DYNAP: variants seen among roughly 807,000 people sequenced by gnomAD.
DYNAP encodes dynactin-associated protein.
In DYNAP, 7 loss-of-function variants were observed where a neutral mutation model predicts 8.5. That is an observed-to-expected ratio of 0.82 (90% CI 0.47 to 1.54). The LOEUF (loss-of-function observed/expected upper bound fraction) is 1.54. DYNAP is among the 40% of genes most tolerant of loss of function. The pLI, the probability that DYNAP is intolerant of heterozygous loss-of-function variation, is 0.01. For synonymous variants in DYNAP, 77 were observed against 77.9 expected (o/e 0.99, Z 0.06); for missense variants, 256 against 224.3 (o/e 1.14, Z -0.90).
intron 1 of DYNAP, 121 bp from the exon 2 acceptor site, chr18:54,594,818 G>T: frequency 1.8e-6 from 2 of 1,104,648 alleles, no homozygotes; most frequent in Non-Finnish European, 2.5e-6. Flanking sequence ...CAGGGGATAA[G>T]AAAACATTTA....
At position 54,598,352 on chromosome 18, in the gene DYNAP, A is replaced by G; in HGVS notation, c.*207A>G. The stretch of plus-strand genomic sequence containing the variant: ...GACAACTCAAATAATCACCACTTCG[A>G]CCATCTCTTTGACTGAATCAACAAC... On this transcript the variant is annotated 3_prime_UTR_variant, in exon 3 of 3. Coordinates refer to ENST00000648945, the MANE Select transcript of DYNAP (RefSeq NM_173629.3). The G allele has an allele frequency of 1.8e-6, 1 of 553,896 alleles. No individual in the cohort carries two copies. The highest frequency in any genetic ancestry group is 3.1e-6 in the Non-Finnish European group (1 of 318,322). 34.3% of individuals were successfully genotyped at this position (553,896 alleles called of 1,614,324 possible). A position where few individuals can be genotyped will look rare whatever the true frequency, so the allele number is the denominator to read the frequency against.
chr18:54,583,219 G>A (rs1240210983), upstream of DYNAP, among the ~76,000 whole-genome samples: 2 of 152,134 alleles, frequency 1.3e-5, no homozygotes, highest in Admixed American at 6.5e-5. Context: ...CTGCTGGGTG[G>A]TCAGAGGGCT....
Position 54,598,338 on chromosome 18 carries a change from T to C in DYNAP, c.*193T>C, listed in dbSNP as rs768107134. 39 of 576,472 alleles carry C rather than the reference T, an allele frequency of 6.8e-5. No individual in the cohort carries two copies. The highest frequency in any genetic ancestry group is 1.1e-4 in the Non-Finnish European group (38 of 335,618). The allele number at this position is 576,472 out of a possible 1,614,324, so 35.7% of individuals were successfully genotyped here. A position where few individuals can be genotyped will look rare whatever the true frequency, so the allele number is the denominator to read the frequency against. ...ACTTAAACTTACTTGACAACTCAAA[T>C]AATCACCACTTCGACCATCTCTTTG... On this transcript the variant is annotated 3_prime_UTR_variant, in exon 3 of 3. Transcript: ENST00000648945.
At chr18:54,575,940 A>C in the DYNAP span, among the ~76,000 whole-genome samples, 3 of 152,176 alleles carry the variant, frequency 2.0e-5, no homozygotes, top group Non-Finnish European at 4.4e-5. Context: ...AAATAAACAA[A>C]TATTCTAATC....
At chr18:54,579,051 G>A in the DYNAP span, among the ~76,000 whole-genome samples, 1 of 151,944 alleles carries the variant, frequency 6.6e-6, no homozygotes, top group African/African-American at 2.4e-5. Context: ...CGCCCGCCTC[G>A]GCCTCCCAAA....
At chr18:54,597,366 A>C (rs760096224) in intron 2 of DYNAP, among the ~76,000 whole-genome samples, 1 of 152,088 alleles carries the variant, frequency 6.6e-6, no homozygotes, top group Admixed American at 6.6e-5. Flanking sequence ...TACACCAACA[A>C]GAGTGAACCC....
At chr18:54,586,530 A>G (rs758094175), upstream of DYNAP, among the ~76,000 whole-genome samples, 2 of 152,168 alleles carry the variant, frequency 1.3e-5, no homozygotes, top group Non-Finnish European at 2.9e-5. Context: ...CTCCCTGATG[A>G]ATCTTGATAC....
the DYNAP span, among the ~76,000 whole-genome samples, chr18:54,577,616 A>C: frequency 6.6e-6 from 1 of 151,496 alleles, no homozygotes; most frequent in Non-Finnish European, 1.5e-5. Flanking sequence ...AAAAAAAAAA[A>C]AAAAACACAA....
intron 2 of DYNAP, among the ~76,000 whole-genome samples, chr18:54,595,560 A>G (rs1365919502): frequency 6.6e-6 from 1 of 152,038 alleles, no homozygotes; most frequent in East Asian, 1.9e-4. Flanking sequence ...TGTGTGTGGC[A>G]CTTTCTTTAG....
chr18:54,581,778 A>G, the DYNAP span, among the ~76,000 whole-genome samples: 1 of 152,162 alleles, frequency 6.6e-6, no homozygotes, highest in Non-Finnish European at 1.5e-5. Context: ...ATAAAGGAAA[A>G]ACTTATTTTC....
At chr18:54,593,898 C>G (rs1911181489) in intron 1 of DYNAP, among the ~76,000 whole-genome samples, 1 of 152,086 alleles carries the variant, frequency 6.6e-6, no homozygotes, top group Non-Finnish European at 1.5e-5. Flanking sequence ...TGTGTCTCTT[C>G]ACTACAGCCT....
intron 2 of DYNAP, among the ~76,000 whole-genome samples, chr18:54,596,521 G>A (rs1911297022): frequency 6.6e-6 from 1 of 152,142 alleles, no homozygotes; most frequent in African/African-American, 2.4e-5. Context: ...AAGCTACCCA[G>A]ATGAATCTAA....
chr18:54,591,046 C>T, upstream of DYNAP: 1 of 606,204 alleles, frequency 1.6e-6, no homozygotes, highest in South Asian at 3.7e-5. Context: ...GTCACAAAAG[C>T]TTTCAGAGGA....
At chr18:54,587,865 A>G (rs1017582694), upstream of DYNAP, 3 of 400,708 alleles carry the variant, frequency 7.5e-6, no homozygotes, top group African/African-American at 6.2e-5. Flanking sequence ...ACCAACTTCT[A>G]GGTAAGTCAT....
At chr18:54,597,531 A>T (rs1911346933) in intron 2 of DYNAP, among the ~76,000 whole-genome samples, 1 of 152,190 alleles carries the variant, frequency 6.6e-6, no homozygotes, top group Non-Finnish European at 1.5e-5. Context: ...TTTTGCTGTC[A>T]ACCTAAAACT....
upstream of DYNAP, chr18:54,587,693 G>A (rs1236366025): frequency 5.1e-6 from 2 of 391,050 alleles, no homozygotes; most frequent in African/African-American, 2.1e-5. Flanking sequence ...TTCTGAAATT[G>A]TGTATCAGGG....
the DYNAP span, among the ~76,000 whole-genome samples, chr18:54,582,676 T>TG: frequency 6.6e-6 from 1 of 152,206 alleles, no homozygotes; most frequent in Non-Finnish European, 1.5e-5. Flanking sequence ...AAAATGCTGT[T>TG]GTCCCTCTCC....
chr18:54,577,892 G>A, the DYNAP span, among the ~76,000 whole-genome samples: 8 of 149,316 alleles, frequency 5.4e-5, no homozygotes, highest in East Asian at 3.9e-4. Flanking sequence ...GCTTGAACCC[G>A]GCAGGTTGCA....
intron 2 of DYNAP, among the ~76,000 whole-genome samples, chr18:54,596,676 T>C (rs996864027): frequency 2.0e-5 from 3 of 152,278 alleles, no homozygotes; most frequent in Admixed American, 1.3e-4. Context: ...AGAACTTAGT[T>C]TCCTTTTGTC....
Sources: allele counts gnomAD v4.1 joint callset (sites outside exome capture counted in the v4.1 genomes callset), GRCh38; gene constraint gnomAD v4.1.1; transcripts MANE v1.5; gene names NCBI Gene and HGNC (gene_info 2026-07-23, HGNC 2026-07-21).